Variants in LRP1B observed in about 807,000 individuals in gnomAD.
LRP1B encodes low-density lipoprotein receptor-related protein 1B.
A neutral mutation model predicts 556.6 loss-of-function variants in LRP1B; 217 were observed. The observed-to-expected ratio is 0.39, with a 90% confidence interval of 0.35 to 0.44. The LOEUF (loss-of-function observed/expected upper bound fraction) is 0.44. Ranked by LOEUF, LRP1B falls within the 20% of genes least tolerant of loss-of-function variation. LRP1B has a pLI of 1.00. For synonymous variants in LRP1B, 2,047 were observed against 1,865.8 expected (o/e 1.10, Z -2.50); for missense variants, 5,053 against 5,620.8 (o/e 0.90, Z 3.23).
intron 6 of LRP1B, among the ~76,000 whole-genome samples, chr2:141,227,572 A>G (rs1246154965): frequency 6.6e-6 from 1 of 152,158 alleles, no homozygotes; most frequent in Non-Finnish European, 1.5e-5. Flanking sequence ...TGAAATATCC[A>G]CCGCTTTCAT....
chr2:140,995,262 A>G (rs1306215841), intron 15 of LRP1B, among the ~76,000 whole-genome samples: 3 of 152,046 alleles, frequency 2.0e-5, no homozygotes, highest in Non-Finnish European at 4.4e-5. Flanking sequence ...TGCTTTTTAG[A>G]AAACTTCCAA....
intron 43 of LRP1B, among the ~76,000 whole-genome samples, chr2:140,595,707 T>C (rs1242126958): frequency 6.6e-6 from 1 of 152,112 alleles, no homozygotes; most frequent in East Asian, 1.9e-4. Context: ...CCCACTAGTA[T>C]GCATTATACC....
At chr2:140,534,329 C>A (rs1172440150) in intron 46 of LRP1B, among the ~76,000 whole-genome samples, 189 bp from the exon 47 acceptor site, 1 of 152,100 alleles carries the variant, frequency 6.6e-6, no homozygotes, top group Non-Finnish European at 1.5e-5. Context: ...AGCAAGGGCC[C>A]TTTTTGACTT....
intron 35 of LRP1B, among the ~76,000 whole-genome samples, chr2:140,739,581 G>T (rs949497717): frequency 2.6e-5 from 4 of 152,098 alleles, no homozygotes; most frequent in Admixed American, 2.6e-4. Flanking sequence ...ACCACATACT[G>T]AGTTTCTTAT....
chr2:140,802,965 C>T (rs1690566929), intron 32 of LRP1B, among the ~76,000 whole-genome samples: 1 of 152,138 alleles, frequency 6.6e-6, no homozygotes, highest in Admixed American at 6.5e-5. Context: ...CTCTTACATT[C>T]ACGTGCTTAC....
chr2:141,001,151 A>G (rs1220699547), intron 15 of LRP1B, among the ~76,000 whole-genome samples: 2 of 152,076 alleles, frequency 1.3e-5, no homozygotes. Context: ...AAGAACAAAC[A>G]TAAAAACTTA....
chr2:141,774,944 C>A (rs1405557546), intron 2 of LRP1B, among the ~76,000 whole-genome samples: 1 of 152,182 alleles, frequency 6.6e-6, no homozygotes, highest in Admixed American at 6.5e-5. Flanking sequence ...GATACATATT[C>A]TTTTCCAATT....
intron 2 of LRP1B, among the ~76,000 whole-genome samples, chr2:141,554,318 A>C (rs1007642597): frequency 2.7e-5 from 4 of 148,120 alleles, no homozygotes; most frequent in African/African-American, 9.8e-5. Context: ...CTATAGGAAT[A>C]GACATAGATA....
intron 3 of LRP1B, among the ~76,000 whole-genome samples, chr2:141,329,703 T>C (rs1323734590): frequency 6.7e-6 from 1 of 150,310 alleles, no homozygotes; most frequent in East Asian, 2.0e-4. Flanking sequence ...AGGCTTAGGG[T>C]AAGGATACCA....
At chr2:140,357,835 T>C in intron 74 of LRP1B, 144 bp downstream of exon 74, 2 of 883,872 alleles carry the variant, frequency 2.3e-6, no homozygotes, top group Non-Finnish European at 3.4e-6. Flanking sequence ...TATTCTAATG[T>C]TGCTTTGGCA....
intron 31 of LRP1B, among the ~76,000 whole-genome samples, chr2:140,836,982 G>T (rs531525187): frequency 6.6e-6 from 1 of 152,018 alleles, no homozygotes; most frequent in African/African-American, 2.4e-5. Flanking sequence ...AGGCCCACTT[G>T]GTTACATATA....
intron 31 of LRP1B, among the ~76,000 whole-genome samples, chr2:140,823,067 A>G (rs1455293246): frequency 6.6e-6 from 1 of 152,210 alleles, no homozygotes; most frequent in Non-Finnish European, 1.5e-5. Context: ...ATATGAAACC[A>G]TATGAAAGAT....
At chr2:140,963,076 G>T (rs562082804) in intron 18 of LRP1B, among the ~76,000 whole-genome samples, 1 of 152,200 alleles carries the variant, frequency 6.6e-6, no homozygotes, top group Non-Finnish European at 1.5e-5. Flanking sequence ...ATTTACTGAC[G>T]TATTGGTTAC....
intron 1 of LRP1B, among the ~76,000 whole-genome samples, chr2:142,068,266 C>G (rs942009887): frequency 3.4e-5 from 4 of 119,004 alleles, no homozygotes; most frequent in Non-Finnish European, 8.0e-5. Context: ...ACTGAAAATA[C>G]CATAGGTGCT....
chr2:141,083,233 T>A (rs1458855752), intron 7 of LRP1B, among the ~76,000 whole-genome samples: 1 of 152,148 alleles, frequency 6.6e-6, no homozygotes, highest in Non-Finnish European at 1.5e-5. Context: ...ATAAAATTTG[T>A]ATTACTGTTG....
At chr2:140,919,039 G>T (rs1375403503) in intron 21 of LRP1B, among the ~76,000 whole-genome samples, 4 of 151,692 alleles carry the variant, frequency 2.6e-5, no homozygotes, top group Admixed American at 2.0e-4. Flanking sequence ...CTTTTCGAGG[G>T]TCTCAACATA....
intron 1 of LRP1B, among the ~76,000 whole-genome samples, chr2:141,829,008 T>C (rs760515760): frequency 3.9e-5 from 6 of 152,104 alleles, no homozygotes; most frequent in Non-Finnish European, 8.8e-5. Flanking sequence ...TAACAGTTAC[T>C]AGCACATATA....
chr2:142,129,889 C>G (rs186340776), intron 1 of LRP1B, among the ~76,000 whole-genome samples: 14 of 151,804 alleles, frequency 9.2e-5, no homozygotes, highest in African/African-American at 2.7e-4. Flanking sequence ...ATTCCTACCT[C>G]CTTTCTCCTC....
At chr2:141,916,597 T>A (rs1010568287) in intron 1 of LRP1B, among the ~76,000 whole-genome samples, 6 of 150,578 alleles carry the variant, frequency 4.0e-5, no homozygotes, top group Non-Finnish European at 2.9e-5. Context: ...TTGGCCAGGA[T>A]GGTCTTGATC....
Sources: gnomAD v4.1 joint callset for allele counts (sites outside exome capture counted in the v4.1 genomes callset) on GRCh38, gnomAD v4.1.1 for gene constraint, MANE v1.5 for transcripts, NCBI Gene and HGNC (gene_info 2026-07-23, HGNC 2026-07-21) for gene names.